GAB2: variants seen among roughly 807,000 people sequenced by gnomAD.
GAB2 encodes GRB2 associated binding protein 2.
A neutral mutation model predicts 65.5 loss-of-function variants in GAB2; 26 were observed. That is an observed-to-expected ratio of 0.40 (90% CI 0.29 to 0.55). The LOEUF (loss-of-function observed/expected upper bound fraction) is 0.55, where lower values mean the gene tolerates loss of function less well. GAB2 is among the 20% of genes least tolerant of loss of function. The pLI, the probability that GAB2 is intolerant of heterozygous loss-of-function variation, is 0.53. For synonymous variants in GAB2, 321 were observed against 329.6 expected, an observed-to-expected ratio of 0.97 and a Z score of 0.28; for missense variants, 884 against 875.8, an observed-to-expected ratio of 1.01 and a Z score of -0.12.
intron 1 of GAB2, among the ~76,000 whole-genome samples, chr11:78,282,784 A>C (rs910599784): frequency 9.0e-6 from 1 of 111,316 alleles, no homozygotes; most frequent in Non-Finnish European, 2.0e-5. Flanking sequence ...GATTATCACA[A>C]TTCTTTAGAC....
intron 2 of GAB2, among the ~76,000 whole-genome samples, chr11:78,254,644 A>T (rs1865546305): frequency 6.6e-6 from 1 of 152,016 alleles, no homozygotes; most frequent in South Asian, 2.1e-4. Flanking sequence ...ATCAAAAATT[A>T]AAAAATTAAC....
chr11:78,260,278 T>A (rs1282473569), intron 2 of GAB2, among the ~76,000 whole-genome samples: 4 of 152,184 alleles, frequency 2.6e-5, no homozygotes, highest in African/African-American at 7.2e-5. Flanking sequence ...CCTTGATGCA[T>A]ACGATCTCAC....
At chr11:78,304,722 G>C (rs1359095401) in intron 1 of GAB2, among the ~76,000 whole-genome samples, 6 of 152,076 alleles carry the variant, frequency 3.9e-5, no homozygotes, top group African/African-American at 1.4e-4. Flanking sequence ...TTAAAGTATT[G>C]TTTTCTTTGT....
chr11:78,265,313 G>A (rs1010808467), intron 2 of GAB2, among the ~76,000 whole-genome samples: 2 of 151,592 alleles, frequency 1.3e-5, no homozygotes, highest in African/African-American at 4.8e-5. Flanking sequence ...AGGAAACTTC[G>A]ATTTTAATTC....
chr11:78,372,615 G>A (rs188123045), intron 1 of GAB2, among the ~76,000 whole-genome samples: 29 of 152,324 alleles, frequency 1.9e-4, no homozygotes, highest in Non-Finnish European at 3.5e-4. Context: ...GGCATGGTAT[G>A]TATAACCTGA....
At position 78,220,362 on chromosome 11, in the gene GAB2, A is replaced by G; in HGVS notation, c.1844T>C (p.Leu615Pro). The change falls in exon 9 of 10, where the codon CTG becomes CCG. Residue 615 changes from leucine to proline, a missense_variant. Coordinates refer to ENST00000361507, the MANE Select transcript of GAB2 (RefSeq NM_080491.3). ...GGAGCTCGGCTGGAAGTCCAGGGCC[A>G]GATAATCAACGCTGCCGGTGCTCTT... is the stretch of plus-strand genomic sequence containing the variant. ...PKKSTGSVDY[L>P]ALDFQPSSPS... is the part of the protein sequence containing the mutation. The G allele has an allele frequency of 6.2e-7, 1 of 1,613,132 alleles. No homozygotes were observed. The highest frequency in any genetic ancestry group is 1.1e-5 in the South Asian group (1 of 91,006).
At chr11:78,262,257 C>T (rs891273455) in intron 2 of GAB2, among the ~76,000 whole-genome samples, 8 of 152,114 alleles carry the variant, frequency 5.3e-5, no homozygotes, top group Admixed American at 2.6e-4. Context: ...CGTTGGAGTC[C>T]GAATCTCAGC....
At chr11:78,370,725 A>ATGTGTGTGTG (rs113823389) in intron 1 of GAB2, among the ~76,000 whole-genome samples, 3,131 of 148,822 alleles carry the variant, frequency 0.021, 99 homozygotes, top group African/African-American at 0.066. Flanking sequence ...GTGTGTGTGT[A>ATGTGTGTGTG]TGTGTGTGTG....
chr11:78,384,107 CT>C (rs1363153646), intron 1 of GAB2, among the ~76,000 whole-genome samples: 1 of 152,196 alleles, frequency 6.6e-6, no homozygotes, highest in Non-Finnish European at 1.5e-5. Context: ...CAAACCTGCA[CT>C]CTCATTTTGT....
At chr11:78,402,020 C>A (rs1210907221) in intron 1 of GAB2, among the ~76,000 whole-genome samples, 1 of 152,184 alleles carries the variant, frequency 6.6e-6, no homozygotes, top group Non-Finnish European at 1.5e-5. Context: ...GGATGGTCTA[C>A]AAACAAGTCT....
In GAB2 at chr11:78,234,266, A is replaced by T. The variant is rs765030235; in HGVS notation, c.621-7215T>A. On this transcript the variant is annotated intron_variant, in intron 3 of 9. Coordinates refer to ENST00000361507, the MANE Select transcript of GAB2 (RefSeq NM_080491.3). ...CCTGGCTACTTTTTGTATTTTCTGTAGAGACTGGGTTTTGCCATGTTATCC... is the reference window on the plus strand; with the variant it reads ...CCTGGCTACTTTTTGTATTTTCTGTTGAGACTGGGTTTTGCCATGTTATCC... Among the ~76,000 whole-genome samples the T allele has an allele frequency of 8.2e-4, 125 of 151,730 alleles. 1 individual carries two copies. Among genetic ancestry groups the T allele is most frequent in the Admixed American group, 7.2e-4 (11 of 15,278 alleles).
chr11:78,404,077 C>T (rs1311093876), intron 1 of GAB2, among the ~76,000 whole-genome samples: 2 of 152,080 alleles, frequency 1.3e-5, no homozygotes, highest in Non-Finnish European at 2.9e-5. Flanking sequence ...AATAGAACTA[C>T]CATATGATCT....
intron 1 of GAB2, among the ~76,000 whole-genome samples, chr11:78,403,339 C>T (rs192698384): frequency 6.6e-6 from 1 of 152,322 alleles, no homozygotes; most frequent in East Asian, 1.9e-4. Flanking sequence ...TATGGCAATA[C>T]TATGTAAGTT....
chr11:78,220,066 C>T (rs928986648), intron 9 of GAB2, among the ~76,000 whole-genome samples: 1 of 152,248 alleles, frequency 6.6e-6, no homozygotes, highest in South Asian at 2.1e-4. Context: ...CTCATTTGCC[C>T]ATCTCTACAA....
chr11:78,300,674 T>G (rs1355130649), intron 1 of GAB2, among the ~76,000 whole-genome samples: 2 of 147,480 alleles, frequency 1.4e-5, no homozygotes, highest in South Asian at 2.1e-4. Context: ...ACTGTGTGGT[T>G]TTTTTTTTTG....
At chr11:78,271,700 A>T (rs1866011962) in intron 2 of GAB2, among the ~76,000 whole-genome samples, 1 of 152,052 alleles carries the variant, frequency 6.6e-6, no homozygotes, top group Non-Finnish European at 1.5e-5. Context: ...ACAACTCTTT[A>T]AAAAAAAGGT....
rs764981508 is a variant in GAB2, at chr11:78,219,380, C to T, written c.1923G>A (p.Val641=). ...STSSVTSDEK[V]DYVQVDKEKT... is the part of the protein sequence containing the mutation. ...TCTCCTTGTCCACCTGAACGTAGTC[C>T]ACCTTCTCATCAGAGGTGACGGATG... Residue 641 remains valine (V), a synonymous_variant, in exon 10 of 10, where the codon GTG becomes GTA. Transcript: ENST00000361507. 6.2e-7 allele frequency: 1 copy of T among 1,613,984 alleles called. No individual in the cohort carries two copies. The highest frequency in any genetic ancestry group is 1.1e-5 in the South Asian group (1 of 91,078).
Position 78,250,183 on chromosome 11 carries a change from G to A in GAB2, c.594C>T (p.Cys198=). Residue 198 remains cysteine (C), a synonymous_variant, in exon 3 of 10, where the codon TGC becomes TGT. Transcript: ENST00000361507. ...APQEYLYLHQ[C]ISRRAENARS... ...TTGCATTTTCTGCTCTTCGGCTTATGCACTGGTGCAAGTAGAGATACTCCT... is the reference window on the plus strand; with the variant it reads ...TTGCATTTTCTGCTCTTCGGCTTATACACTGGTGCAAGTAGAGATACTCCT... The A allele has an allele frequency of 6.2e-7, 1 of 1,613,212 alleles. No individual in the cohort carries two copies. The highest frequency in any genetic ancestry group is 2.2e-5 in the East Asian group (1 of 44,822).
chr11:78,317,405 C>T (rs1234108616), intron 1 of GAB2, among the ~76,000 whole-genome samples: 1 of 151,706 alleles, frequency 6.6e-6, no homozygotes, highest in Non-Finnish European at 1.5e-5. Flanking sequence ...ACTAAAAATA[C>T]AAAAATTAGC....
Sources: gnomAD v4.1 joint callset for allele counts (sites outside exome capture counted in the v4.1 genomes callset) on GRCh38, gnomAD v4.1.1 for gene constraint, MANE v1.5 for transcripts, NCBI Gene and HGNC (gene_info 2026-07-23, HGNC 2026-07-21) for gene names.